The following ZNF385B variants were observed in gnomAD, a reference collection of about 807,000 sequenced individuals.
ZNF385B encodes zinc finger protein 385B.
ZNF385B carries 23 observed loss-of-function variants against 39.2 expected under a neutral mutation model. The observed-to-expected ratio is 0.59, with a 90% CI of 0.42 to 0.83. The LOEUF is 0.83. ZNF385B is among the 40% of genes least tolerant of loss of function. ZNF385B has a pLI of 0.00. For missense variants in ZNF385B, 552 were observed against 598.9 expected (o/e 0.92, Z 0.82); for synonymous variants, 205 against 222.6 (o/e 0.92, Z 0.70).
intron 3 of ZNF385B, among the ~76,000 whole-genome samples, chr2:179,739,372 G>GGGTT (rs1701954195): frequency 4.6e-5 from 7 of 152,166 alleles, no homozygotes; most frequent in Non-Finnish European, 1.0e-4. Context: ...TATAGAACAG[G>GGGTT]CTCCTCTAGA....
chr2:179,805,237 C>T (rs1368682068), intron 1 of ZNF385B, among the ~76,000 whole-genome samples: 1 of 152,186 alleles, frequency 6.6e-6, no homozygotes, highest in African/African-American at 2.4e-5. Context: ...GATTAGCTCC[C>T]AGCCTATGCC....
intron 3 of ZNF385B, among the ~76,000 whole-genome samples, chr2:179,698,380 TAATTATACTG>T (rs1698928651): frequency 1.3e-5 from 2 of 152,306 alleles, no homozygotes; most frequent in Non-Finnish European, 2.9e-5. Flanking sequence ...AAAATAACCA[TAATTATACTG>T]AAGATTCTAG....
chr2:179,816,182 C>T (rs528176808), intron 1 of ZNF385B, among the ~76,000 whole-genome samples: 19 of 152,138 alleles, frequency 1.2e-4, no homozygotes, highest in Non-Finnish European at 1.9e-4. Flanking sequence ...TCAAGCTGTT[C>T]GGCTAAAAAC....
At chr2:179,443,888 C>T (rs773136038) in intron 9 of ZNF385B, among the ~76,000 whole-genome samples, 2 of 152,132 alleles carry the variant, frequency 1.3e-5, no homozygotes, top group Non-Finnish European at 2.9e-5. Flanking sequence ...CTTAGATAAG[C>T]TGCATTGAGG....
intron 3 of ZNF385B, among the ~76,000 whole-genome samples, chr2:179,714,554 A>G (rs1356142846): frequency 6.6e-6 from 1 of 152,158 alleles, no homozygotes; most frequent in Non-Finnish European, 1.5e-5. Context: ...TGGCTGTTAA[A>G]AGGTTAGGGT....
At chr2:179,762,648 T>C (rs1033572811) in intron 3 of ZNF385B, among the ~76,000 whole-genome samples, 1 of 152,306 alleles carries the variant, frequency 6.6e-6, no homozygotes, top group East Asian at 1.9e-4. Context: ...TACTATTCTG[T>C]AGGGTTTCTA....
chr2:179,465,289 T>A (rs2051862533), intron 6 of ZNF385B, among the ~76,000 whole-genome samples: 1 of 152,176 alleles, frequency 6.6e-6, no homozygotes, highest in South Asian at 2.1e-4. Context: ...CTAGTCTTTT[T>A]CTTGGGCATT....
intron 3 of ZNF385B, among the ~76,000 whole-genome samples, chr2:179,766,030 TCACACACACA>T (rs71029829): frequency 1.2e-4 from 17 of 140,926 alleles, no homozygotes; most frequent in South Asian, 2.4e-4. Context: ...GGTACATTGA[TCACACACACA>T]CACACACACA....
In ZNF385B at chr2:179,808,027, TTTTGTTTG is replaced by T. The variant is rs147482504; in HGVS notation, c.-154-37363_-154-37356del. The stretch of plus-strand genomic sequence containing the variant: ...CATTTATAATATCGTATATAATTCT[TTTTGTTTG>T]TTTGTTTGTTTGTTTGTGACGGAGT... On this transcript the variant is annotated intron_variant, in intron 1 of 9. Transcript: ENST00000410066. Among the ~76,000 whole-genome samples, 9 of 151,394 alleles carry T rather than the reference TTTTGTTTG, an allele frequency of 5.9e-5. No individual in the cohort carries two copies. In the East Asian group the frequency reaches 7.8e-4, roughly 13 times the overall value.
intron 3 of ZNF385B, among the ~76,000 whole-genome samples, chr2:179,635,523 A>G (rs2106204063): frequency 6.6e-6 from 1 of 152,286 alleles, no homozygotes; most frequent in South Asian, 2.1e-4. Flanking sequence ...CCTAGAACTT[A>G]AAGTATAATA....
At chr2:179,496,311 T>TA (rs2056199955) in intron 5 of ZNF385B, among the ~76,000 whole-genome samples, 1 of 151,640 alleles carries the variant, frequency 6.6e-6, no homozygotes, top group Non-Finnish European at 1.5e-5. Flanking sequence ...AAAAAAGAAT[T>TA]AAAAAAACAA....
chr2:179,660,794 C>T (rs1000422526), intron 3 of ZNF385B, among the ~76,000 whole-genome samples: 11 of 151,748 alleles, frequency 7.2e-5, no homozygotes, highest in Non-Finnish European at 1.6e-4. Context: ...TGTCTGGGCC[C>T]AAAAGAAGAA....
chr2:179,746,351 C>T (rs1018117112), intron 3 of ZNF385B, among the ~76,000 whole-genome samples: 2 of 152,064 alleles, frequency 1.3e-5, no homozygotes, highest in Admixed American at 1.3e-4. Context: ...CCTGGGACTT[C>T]GCTATAGACA....
At chr2:179,459,514 A>T (rs1050122724) in intron 6 of ZNF385B, among the ~76,000 whole-genome samples, 1 of 152,074 alleles carries the variant, frequency 6.6e-6, no homozygotes, top group Non-Finnish European at 1.5e-5. Context: ...TATATCAGGC[A>T]TGGAAGTTAG....
intron 3 of ZNF385B, among the ~76,000 whole-genome samples, chr2:179,638,029 T>C (rs1691913747): frequency 6.6e-6 from 1 of 152,216 alleles, no homozygotes; most frequent in African/African-American, 2.4e-5. Context: ...TATCTGCATA[T>C]TCAAAACAGA....
intron 6 of ZNF385B, among the ~76,000 whole-genome samples, chr2:179,466,915 CAAAA>C (rs777679885): frequency 2.2e-4 from 6 of 26,934 alleles, no homozygotes; most frequent in South Asian, 3.1e-3. Flanking sequence ...GCAAGACTGT[CAAAA>C]AAAAAAAAAA....
At chr2:179,763,514 G>T (rs1220977765) in intron 3 of ZNF385B, among the ~76,000 whole-genome samples, 1 of 151,996 alleles carries the variant, frequency 6.6e-6, no homozygotes, top group African/African-American at 2.4e-5. Context: ...GTTGGTTTAG[G>T]TCTTTATTAC....
chr2:179,720,091 G>C (rs942913679), intron 3 of ZNF385B, among the ~76,000 whole-genome samples: 66 of 152,116 alleles, frequency 4.3e-4, no homozygotes, highest in Non-Finnish European at 1.2e-4. Flanking sequence ...AAATAAGTAT[G>C]TTCCTAAGGA....
At chr2:179,841,812 T>C (rs1257666455) in intron 1 of ZNF385B, among the ~76,000 whole-genome samples, 2 of 152,158 alleles carry the variant, frequency 1.3e-5, no homozygotes, top group Non-Finnish European at 2.9e-5. Context: ...TTTGAGAAGA[T>C]CCAGGGCAAC....
Sources: gnomAD v4.1 joint callset for allele counts (sites outside exome capture counted in the v4.1 genomes callset) on GRCh38, gnomAD v4.1.1 for gene constraint, MANE v1.5 for transcripts, NCBI Gene and HGNC (gene_info 2026-07-23, HGNC 2026-07-21) for gene names.